Variants in STT3B observed in about 807,000 individuals in gnomAD.
STT3B encodes dolichyl-diphosphooligosaccharide--protein glycosyltransferase subunit STT3B.
STT3B carries 29 observed loss-of-function variants against 96.8 expected under a neutral mutation model. The observed-to-expected ratio is 0.30, with a 90% CI of 0.22 to 0.41. STT3B has a LOEUF of 0.41. Ranked by LOEUF, STT3B falls within the 10% of genes least tolerant of loss-of-function variation. The probability of loss-of-function intolerance (pLI) is 1.00; values close to 1 mark genes in which losing one functional copy is unlikely to be tolerated. For synonymous variants in STT3B, 367 were observed against 360.0 expected (o/e 1.02, Z -0.22); for missense variants, 640 against 1,022.3 (o/e 0.63, Z 5.10).
chr3:31,632,895 C>T (rs1699691199), intron 14 of STT3B, 40 bp from the exon 15 acceptor site: 1 of 1,559,608 alleles, frequency 6.4e-7, no homozygotes, highest in African/African-American at 1.4e-5. Context: ...TGAATGTTTT[C>T]CAATATGGTT....
intron 1 of STT3B, among the ~76,000 whole-genome samples, chr3:31,538,384 A>G (rs1294314951): frequency 6.6e-6 from 1 of 152,176 alleles, no homozygotes; most frequent in Non-Finnish European, 1.5e-5. Flanking sequence ...GGTTTTGGTT[A>G]GCAACTTACC....
chr3:31,566,503 G>A (rs1431985365), intron 1 of STT3B, among the ~76,000 whole-genome samples: 1 of 152,112 alleles, frequency 6.6e-6, no homozygotes, highest in Admixed American at 6.6e-5. Context: ...CAGAAGTAGT[G>A]TACACAACAT....
chr3:31,533,036 C>T lies in STT3B; in HGVS notation c.38C>T (p.Ser13Leu), dbSNP rs1696976315. The T allele has an allele frequency of 3.1e-6, 5 of 1,587,508 alleles. No individual in the cohort carries two copies. The South Asian group carries it at 3.3e-5, about 11-fold the overall frequency. Residue 13 changes from serine to leucine, a missense_variant, in exon 1 of 16, where the codon TCG becomes TTG. This residue lies in a region of STT3B where 89 missense variants were observed against 81.7 expected (regional missense o/e 1.09). Transcript: ENST00000295770. ...EPSAPESKHKSSLNSSPWSGL... is the reference protein window; with the variant it reads ...EPSAPESKHKLSLNSSPWSGL... Reference sequence around the variant, plus strand: ...TCGGCCCCGGAGAGCAAGCACAAGTCGTCCCTCAACTCGTCCCCGTGGAGT... The same window carrying T: ...TCGGCCCCGGAGAGCAAGCACAAGTTGTCCCTCAACTCGTCCCCGTGGAGT...
intron 3 of STT3B, among the ~76,000 whole-genome samples, chr3:31,592,127 C>T (rs915260948): frequency 1.5e-4 from 23 of 152,066 alleles, no homozygotes; most frequent in African/African-American, 5.3e-4. Flanking sequence ...TCCTTTCCAC[C>T]TTCCCCTCCG....
At chr3:31,617,899 TA>T in intron 7 of STT3B, 40 bp from the exon 8 acceptor site, 3 of 1,401,880 alleles carry the variant, frequency 2.1e-6, no homozygotes, top group Non-Finnish European at 3.0e-6. Flanking sequence ...TACAAAATAA[TA>T]AAAAGGCAGA....
intron 1 of STT3B, among the ~76,000 whole-genome samples, chr3:31,542,840 G>C (rs1697312466): frequency 6.6e-6 from 1 of 152,264 alleles, no homozygotes; most frequent in East Asian, 1.9e-4. Flanking sequence ...GGTTACACGA[G>C]GGTGGATCAT....
intron 1 of STT3B, among the ~76,000 whole-genome samples, chr3:31,534,914 CAAT>C (rs1697049243): frequency 1.3e-5 from 2 of 152,210 alleles, no homozygotes; most frequent in Admixed American, 6.5e-5. Flanking sequence ...CTTATTGACA[CAAT>C]ATTATTAGGT....
intron 14 of STT3B, 56 bp from the exon 15 acceptor site, chr3:31,632,879 T>A: frequency 1.4e-6 from 2 of 1,470,708 alleles, no homozygotes; most frequent in Non-Finnish European, 1.9e-6. Context: ...TACTGTCTTA[T>A]AACACTGAAT....
At chr3:31,633,249 T>C in intron 15 of STT3B, 102 bp downstream of exon 15, 1 of 1,007,056 alleles carries the variant, frequency 9.9e-7, no homozygotes, top group Non-Finnish European at 1.4e-6. Context: ...GCCAGATTTA[T>C]AAAGACTATG....
At chr3:31,632,852 A>G (rs1050057223) in intron 14 of STT3B, 83 bp from the exon 15 acceptor site, 1 of 1,150,920 alleles carries the variant, frequency 8.7e-7, no homozygotes, top group Non-Finnish European at 1.3e-6. Flanking sequence ...AGAAGGTATT[A>G]CTGTAATGAT....
At chr3:31,595,196 C>T (rs1392952867) in intron 3 of STT3B, among the ~76,000 whole-genome samples, 1 of 152,032 alleles carries the variant, frequency 6.6e-6, no homozygotes, top group East Asian at 1.9e-4. Flanking sequence ...TCTTATGACC[C>T]AAAATCAAAT....
chr3:31,603,754 AACTT>A (rs1698986227), intron 5 of STT3B, among the ~76,000 whole-genome samples: 1 of 151,098 alleles, frequency 6.6e-6, no homozygotes, highest in African/African-American at 2.5e-5. Flanking sequence ...ATATGGAACT[AACTT>A]AAATGACCAA....
chr3:31,571,974 T>C (rs1284885406), intron 1 of STT3B, among the ~76,000 whole-genome samples: 6 of 134,002 alleles, frequency 4.5e-5, no homozygotes, highest in Admixed American at 2.2e-4. Flanking sequence ...ATATTAAATA[T>C]ATCAATATTA....
chr3:31,621,454 A>G (rs1335656476), intron 9 of STT3B, among the ~76,000 whole-genome samples: 1 of 152,218 alleles, frequency 6.6e-6, no homozygotes, highest in Non-Finnish European at 1.5e-5. Flanking sequence ...AGGAAGAAAA[A>G]TTTAATTAGC....
chr3:31,582,679 CATTT>C (rs765783479), intron 3 of STT3B, among the ~76,000 whole-genome samples: 60 of 151,882 alleles, frequency 4.0e-4, no homozygotes, highest in African/African-American at 1.4e-3. Flanking sequence ...TGAATGTAGG[CATTT>C]ATAGCTATAA....
At chr3:31,603,581 G>A (rs978532732) in intron 5 of STT3B, among the ~76,000 whole-genome samples, 5 of 152,042 alleles carry the variant, frequency 3.3e-5, no homozygotes, top group Admixed American at 1.3e-4. Context: ...TAGAAAGAAT[G>A]GCTTGCAGGA....
Position 31,618,467 on chromosome 3 carries a change from A to T in STT3B, c.1172+479A>T, listed in dbSNP as rs1256905498. ...TATATCTGTTGTGGTTTTTTTTTTT[A>T]AAGTGCTGTTATAAAATGAGTTAAT... On this transcript the variant is annotated intron_variant, in intron 8 of 15. Transcript: ENST00000295770. 1.5e-4 allele frequency among the ~76,000 whole-genome samples: 22 copies of T among 150,188 alleles called. 1 individual carries two copies. Among genetic ancestry groups the T allele is most frequent in the Middle Eastern group, 3.4e-3 (1 of 290 alleles).
At chr3:31,593,302 T>A (rs1426115962) in intron 3 of STT3B, among the ~76,000 whole-genome samples, 1 of 152,212 alleles carries the variant, frequency 6.6e-6, no homozygotes, top group African/African-American at 2.4e-5. Flanking sequence ...TGTCAAAATT[T>A]TTTTTTCTGA....
At chr3:31,601,834 T>C (rs1698936834) in intron 5 of STT3B, among the ~76,000 whole-genome samples, 1 of 152,224 alleles carries the variant, frequency 6.6e-6, no homozygotes, top group South Asian at 2.1e-4. Context: ...CAGCATACTT[T>C]TTCATTTGAT....
Sources: gnomAD v4.1 joint callset for allele counts (sites outside exome capture counted in the v4.1 genomes callset) on GRCh38, gnomAD v4.1.1 for gene constraint, gnomAD v4.1.1 regional missense constraint, MANE v1.5 for transcripts, NCBI Gene and HGNC (gene_info 2026-07-23, HGNC 2026-07-21) for gene names.